The following IFT88 variants were observed in gnomAD, a reference collection of about 807,000 sequenced individuals.
IFT88 encodes intraflagellar transport 88.
In IFT88, 74 loss-of-function variants were observed where a neutral mutation model predicts 119.5. The observed-to-expected ratio is 0.62, with a 90% CI of 0.51 to 0.75. The LOEUF (loss-of-function observed/expected upper bound fraction) is 0.75, where lower values mean the gene tolerates loss of function less well. IFT88 is among the 30% of genes least tolerant of loss of function. The pLI, the probability that IFT88 is intolerant of heterozygous loss-of-function variation, is 0.00. For missense variants in IFT88, 961 were observed against 977.7 expected (o/e 0.98, Z 0.23); for synonymous variants, 279 against 316.7 (o/e 0.88, Z 1.26).
chr13:20,644,822 C>A, intron 19 of IFT88, 21 bp from the exon 20 acceptor site: 1 of 1,019,426 alleles, frequency 9.8e-7, no homozygotes. Flanking sequence ...TGTATTGTTA[C>A]ATTCCATATT....
intron 3 of IFT88, among the ~76,000 whole-genome samples, chr13:20,585,445 G>A (rs572856835): frequency 4.7e-4 from 71 of 152,310 alleles, no homozygotes; most frequent in African/African-American, 1.4e-3. Flanking sequence ...GCAAGACATG[G>A]CAGTACCTTT....
chr13:20,647,674 T>C (rs1210848820), intron 20 of IFT88, among the ~76,000 whole-genome samples: 1 of 152,230 alleles, frequency 6.6e-6, no homozygotes, highest in Non-Finnish European at 1.5e-5. Flanking sequence ...TAATGTTCTT[T>C]AATATTGATT....
At chr13:20,568,377 C>T (rs1420270741) in intron 1 of IFT88, among the ~76,000 whole-genome samples, 1 of 152,228 alleles carries the variant, frequency 6.6e-6, no homozygotes, top group African/African-American at 2.4e-5. Context: ...TTCCCTTCAA[C>T]TTTCCTGGCC....
At chr13:20,640,330 T>C (rs557569299) in intron 17 of IFT88, among the ~76,000 whole-genome samples, 48 of 151,706 alleles carry the variant, frequency 3.2e-4, no homozygotes, top group African/African-American at 1.1e-3. Context: ...CCCAGCACTT[T>C]GGGAGGGCCA....
At chr13:20,663,245 G>A (rs1366402251) in intron 22 of IFT88, 1 of 1,438,138 alleles carries the variant, frequency 7.0e-7, no homozygotes, top group Admixed American at 2.1e-5. Context: ...GCAGTGTCCT[G>A]TGCCATGTTC....
chr13:20,595,687 G>A (rs1409050573), intron 7 of IFT88, among the ~76,000 whole-genome samples: 2 of 152,112 alleles, frequency 1.3e-5, no homozygotes, highest in Non-Finnish European at 2.9e-5. Flanking sequence ...TTAATACCAT[G>A]TATACATTTG....
At chr13:20,638,777 C>T (rs2049414415) in intron 17 of IFT88, among the ~76,000 whole-genome samples, 2 of 152,188 alleles carry the variant, frequency 1.3e-5, no homozygotes, top group African/African-American at 4.8e-5. Context: ...GTGTATAATA[C>T]TAATTTCCCA....
chr13:20,651,087 A>G (rs1453693136), intron 20 of IFT88, among the ~76,000 whole-genome samples: 1 of 152,050 alleles, frequency 6.6e-6, no homozygotes, highest in African/African-American at 2.4e-5. Flanking sequence ...CATTAAAGCA[A>G]ATTTTAAAAT....
At chr13:20,568,720 CT>C (rs201221087) in intron 1 of IFT88, among the ~76,000 whole-genome samples, 1 of 151,194 alleles carries the variant, frequency 6.6e-6, no homozygotes, top group Non-Finnish European at 1.5e-5. Flanking sequence ...CTTTTAATAC[CT>C]TTTTTTTTCT....
chr13:20,598,732 A>C lies in IFT88; in HGVS notation c.676A>C (p.Asn226His), dbSNP rs1356756446. 1 of 1,605,384 alleles carries C rather than the reference A, an allele frequency of 6.2e-7. No homozygotes were observed. The highest frequency in any genetic ancestry group is 1.7e-5 in the Admixed American group (1 of 59,968). ...TAACACTTATCAAGTTATAGTCAAA[A>C]ATAAGATGTTTAGCAATGCAGGTAA... ...ALNTYQVIVK[N>H]KMFSNAGILK... The change falls in exon 10 of 26, where the codon AAT becomes CAT. Residue 226 changes from asparagine (N) to histidine (H), a missense_variant. By Grantham distance (68) the Asn-to-His change is moderately conservative (BLOSUM62 1). Coordinates refer to ENST00000351808, the MANE Select transcript of IFT88 (RefSeq NM_006531.5).
At chr13:20,655,140 AAAAACTGT>A (rs887724903) in intron 21 of IFT88, among the ~76,000 whole-genome samples, 80 of 152,336 alleles carry the variant, frequency 5.3e-4, no homozygotes, top group African/African-American at 1.8e-3. Context: ...CTAATGTTTA[AAAAACTGT>A]AAAGGCCGGA....
In IFT88 at chr13:20,688,931, T is replaced by C. The variant is rs140911986; in HGVS notation, c.2243-1774T>C. Among the ~76,000 whole-genome samples the C allele has an allele frequency of 2.4e-3, 369 of 152,166 alleles. 2 individuals are homozygous for C. The highest frequency in any genetic ancestry group is 4.5e-3 in the Admixed American group (69 of 15,276). On this transcript the variant is annotated intron_variant, in intron 24 of 25. Transcript: ENST00000351808. The stretch of plus-strand genomic sequence containing the variant: ...ATATAAGCACTTTATTTTTATTTAA[T>C]TAATTAATTTATTTATTTATTGAGA...
At chr13:20,674,266 C>A (rs1386615991) in intron 24 of IFT88, among the ~76,000 whole-genome samples, 1 of 152,186 alleles carries the variant, frequency 6.6e-6, no homozygotes, top group Non-Finnish European at 1.5e-5. Flanking sequence ...ATATTCTCTG[C>A]AGATAAACTG....
At chr13:20,583,114 T>A in intron 3 of IFT88, 95 bp downstream of exon 3, 1 of 662,230 alleles carries the variant, frequency 1.5e-6, no homozygotes, top group Non-Finnish European at 2.5e-6. Context: ...CCTGTAGTGT[T>A]AAAGATTATA....
chr13:20,679,917 C>T (rs942032678), intron 24 of IFT88, among the ~76,000 whole-genome samples: 7 of 152,148 alleles, frequency 4.6e-5, no homozygotes, highest in Non-Finnish European at 1.0e-4. Flanking sequence ...ATAGTGTCCA[C>T]CATCTGATTA....
chr13:20,584,409 G>C (rs934550564), intron 3 of IFT88, among the ~76,000 whole-genome samples: 1 of 151,780 alleles, frequency 6.6e-6, no homozygotes, highest in Non-Finnish European at 1.5e-5. Flanking sequence ...TTTTTATTAG[G>C]CATCAGAATA....
At chr13:20,574,941 AT>A (rs1172658349) in intron 2 of IFT88, among the ~76,000 whole-genome samples, 1 of 152,148 alleles carries the variant, frequency 6.6e-6, no homozygotes, top group Admixed American at 6.5e-5. Flanking sequence ...TACATCAAGC[AT>A]TTATCCTTTG....
At chr13:20,645,836 G>T (rs1394181736) in intron 20 of IFT88, among the ~76,000 whole-genome samples, 1 of 152,028 alleles carries the variant, frequency 6.6e-6, no homozygotes, top group Non-Finnish European at 1.5e-5. Flanking sequence ...TAAGTGAAAT[G>T]ATTTCTGTTT....
At chr13:20,662,324 C>G (rs1566402788) in intron 22 of IFT88, among the ~76,000 whole-genome samples, 1 of 151,700 alleles carries the variant, frequency 6.6e-6, no homozygotes, top group South Asian at 2.1e-4. Flanking sequence ...GCCTACCGAC[C>G]AAAAAAAGTC....
Sources: gnomAD v4.1 joint callset for allele counts (sites outside exome capture counted in the v4.1 genomes callset) on GRCh38, gnomAD v4.1.1 for gene constraint, MANE v1.5 for transcripts, NCBI Gene and HGNC (gene_info 2026-07-23, HGNC 2026-07-21) for gene names.